ACTG2: variants seen among roughly 807,000 people sequenced by gnomAD.
ACTG2 encodes the protein actin, gamma-enteric smooth muscle.
ACTG2 carries 16 observed loss-of-function variants against 37.6 expected under a neutral mutation model. The ratio of observed to expected loss-of-function variants is 0.43; its 90% CI spans 0.29 to 0.65. ACTG2 has a LOEUF of 0.65. ACTG2 is among the 30% of genes least tolerant of loss of function. The pLI is 0.18. For synonymous variants in ACTG2, 181 were observed against 179.9 expected (o/e 1.01, Z -0.05); for missense variants, 238 against 490.9 (o/e 0.48, Z 4.87).
At position 73,895,041 on chromosome 2, in the gene ACTG2, A is replaced by G. The variant is rs1373114708; in HGVS notation, c.-37+1990A>G. Among the ~76,000 whole-genome samples the G allele has an allele frequency of 2.0e-5, 3 of 152,102 alleles. No homozygotes were observed. The East Asian group carries it at 5.8e-4, about 29-fold the overall frequency. ...GCATGGGTGCCGTGCAGGTAGAAGT[A>G]AGAAGGGCTGGTGATAGGTTGGGAG... On this transcript the variant is annotated intron_variant, in intron 1 of 8. Transcript: ENST00000345517.
intron 3 of ACTG2, among the ~76,000 whole-genome samples, chr2:73,907,524 C>T (rs1680040492): frequency 6.6e-6 from 1 of 152,160 alleles, no homozygotes; most frequent in South Asian, 2.1e-4. Flanking sequence ...CTCTGTTGCC[C>T]AGGCTGGAGT....
intron 1 of ACTG2, among the ~76,000 whole-genome samples, chr2:73,893,740 G>C (rs1421288269): frequency 6.6e-6 from 1 of 152,136 alleles, no homozygotes; most frequent in African/African-American, 2.4e-5. Flanking sequence ...GAGACGTACA[G>C]CCACTCATCC....
chr2:73,900,367 CAAAAG>C (rs1679849694), intron 1 of ACTG2, among the ~76,000 whole-genome samples: 1 of 151,336 alleles, frequency 6.6e-6, no homozygotes, highest in African/African-American at 2.4e-5. Flanking sequence ...GTTTGTAACT[CAAAAG>C]AAAGAAAGAA....
intron 7 of ACTG2, 72 bp from the exon 8 acceptor site, chr2:73,916,512 T>C (rs1487786564): frequency 1.1e-5 from 15 of 1,380,814 alleles, no homozygotes; most frequent in Non-Finnish European, 1.5e-5. Context: ...CGAAGAAGGG[T>C]CATTTGAGGA....
At chr2:73,913,861 G>A (rs541215874) in intron 6 of ACTG2, among the ~76,000 whole-genome samples, 4 of 152,182 alleles carry the variant, frequency 2.6e-5, no homozygotes, top group African/African-American at 7.2e-5. Context: ...CTCTGTCCAC[G>A]TCCACACCAG....
intron 3 of ACTG2, among the ~76,000 whole-genome samples, chr2:73,904,521 G>A (rs1679965813): frequency 6.6e-6 from 1 of 151,366 alleles, no homozygotes; most frequent in South Asian, 2.1e-4. Context: ...AGCTGGATGT[G>A]GTGGTTAGCA....
At chr2:73,905,473 C>T (rs1250744835) in intron 3 of ACTG2, among the ~76,000 whole-genome samples, 2 of 151,836 alleles carry the variant, frequency 1.3e-5, no homozygotes, top group East Asian at 3.9e-4. Context: ...GAAGTGTCCC[C>T]CAGACAAATA....
At chr2:73,919,378 C>T in intron 8 of ACTG2, 54 bp from the exon 9 acceptor site, 1 of 1,576,614 alleles carries the variant, frequency 6.3e-7, no homozygotes, top group Non-Finnish European at 8.6e-7. Flanking sequence ...TTTTGGACCA[C>T]CTTGCTTATT....
chr2:73,904,773 GTGTGTATATATATATATATA>G (rs1458714183), intron 3 of ACTG2, among the ~76,000 whole-genome samples: 22 of 20,094 alleles, frequency 1.1e-3, no homozygotes, highest in African/African-American at 2.6e-3. Flanking sequence ...GTGTGTGTGT[GTGTGTATATATATATATATA>G]TATATATATA....
intron 1 of ACTG2, among the ~76,000 whole-genome samples, chr2:73,897,492 C>G (rs1355281523): frequency 1.3e-5 from 2 of 152,182 alleles, no homozygotes; most frequent in Non-Finnish European, 2.9e-5. Flanking sequence ...GAAGACTGCC[C>G]ATGTGATTCT....
At chr2:73,909,434 G>A (rs1163479989) in intron 5 of ACTG2, among the ~76,000 whole-genome samples, 2 of 152,208 alleles carry the variant, frequency 1.3e-5, no homozygotes, top group African/African-American at 2.4e-5. Flanking sequence ...GAAGCAGAAA[G>A]AGTAGAACCT....
chr2:73,912,940 G>A (rs542954318), intron 5 of ACTG2, among the ~76,000 whole-genome samples: 3 of 152,296 alleles, frequency 2.0e-5, no homozygotes, highest in South Asian at 2.1e-4. Flanking sequence ...GGCCGAGGCA[G>A]GTGAATTGCC....
intron 1 of ACTG2, among the ~76,000 whole-genome samples, chr2:73,898,230 G>T (rs1375465114): frequency 6.7e-6 from 1 of 149,064 alleles, no homozygotes; most frequent in East Asian, 2.0e-4. Context: ...GGCTTGGGAA[G>T]TGTCCTCGGT....
intron 2 of ACTG2, 95 bp downstream of exon 2, chr2:73,901,532 ATGTGTGTGTGTGTGTGTGTGTGTGTG>A (rs58042852): frequency 8.8e-7 from 1 of 1,142,600 alleles, no homozygotes; most frequent in Non-Finnish European, 1.2e-6. Context: ...GGGGAAGGAA[ATGTGTGTGTGTGTGTGTGTGTGTGTG>A]TGTGTGTGTG....
intron 2 of ACTG2, chr2:73,901,795 T>A: frequency 3.9e-6 from 1 of 259,330 alleles, no homozygotes; most frequent in African/African-American, 2.2e-5. Context: ...TATATGGGAT[T>A]GAACAAGCCT....
At chr2:73,893,334 C>T (rs963923216) in intron 1 of ACTG2, among the ~76,000 whole-genome samples, 1 of 151,470 alleles carries the variant, frequency 6.6e-6, no homozygotes, top group Non-Finnish European at 1.5e-5. Context: ...AGCCCTGCTC[C>T]CCAGGGCCAG....
chr2:73,913,784 G>A, intron 6 of ACTG2, 138 bp downstream of exon 6: 1 of 707,150 alleles, frequency 1.4e-6, no homozygotes, highest in Non-Finnish European at 2.3e-6. Flanking sequence ...CCTTAAGCTG[G>A]GGCTAGGCCT....
In ACTG2 at chr2:73,901,447, C is replaced by G. The variant is rs201108131; in HGVS notation, c.126+10C>G. ...CCGCCCTCGCCACCAGGTGCGTGCT[C>G]ATCTGGATACCACCAGGCTTTGAGC... On this transcript the variant is annotated intron_variant, in intron 2 of 8. Coordinates refer to ENST00000345517, the MANE Select transcript of ACTG2 (RefSeq NM_001615.4). The G allele has an allele frequency of 2.5e-6, 4 of 1,613,560 alleles. No homozygotes were observed. Among genetic ancestry groups the G allele is most frequent in the Non-Finnish European group, 3.4e-6 (4 of 1,179,862 alleles).
chr2:73,915,205 A>G (rs1356169450), intron 7 of ACTG2, among the ~76,000 whole-genome samples: 1 of 151,998 alleles, frequency 6.6e-6, no homozygotes, highest in Non-Finnish European at 1.5e-5. Flanking sequence ...TACAGTGTGG[A>G]ATCATATTGC....
Sources: gnomAD v4.1 joint callset for allele counts (sites outside exome capture counted in the v4.1 genomes callset) on GRCh38, gnomAD v4.1.1 for gene constraint, MANE v1.5 for transcripts, NCBI Gene and HGNC (gene_info 2026-07-23, HGNC 2026-07-21) for gene names.